Variants in SUCNR1 observed in about 807,000 individuals in gnomAD.
SUCNR1 encodes the protein G-protein coupled receptor 91.
Under a neutral mutation model 2.4 loss-of-function variants are expected in SUCNR1, and 5 were observed. The observed-to-expected ratio is 2.07, with a 90% CI of 1.08 to 4.36. The LOEUF (loss-of-function observed/expected upper bound fraction) is 4.36. Ranked by LOEUF, SUCNR1 falls within the 30% of genes most tolerant of loss-of-function variation. SUCNR1 has a pLI of 0.00. For synonymous variants in SUCNR1, 162 were observed against 143.9 expected (o/e 1.13, Z -0.90); for missense variants, 373 against 399.2 (o/e 0.93, Z 0.56).
chr3:151,874,148 T>TA (rs1559856011), intron 1 of SUCNR1, among the ~76,000 whole-genome samples: 319 of 33,712 alleles, frequency 9.5e-3, no homozygotes, highest in African/African-American at 0.037. Context: ...ATATATATAT[T>TA]TTTTTTTTTT....
rs747738623 is a variant in SUCNR1, at chr3:151,881,297, C to A, written c.754C>A (p.Arg252=). ...GCTTTTTACACCCTATCACGTCATG[C>A]GGAATGTGAGGATCGCTTCACGCCT... ...SVLFTPYHVM[R]NVRIASRLGS... is the part of the protein sequence containing the mutation. Residue 252 remains arginine, a synonymous_variant, in exon 3 of 3, where the codon CGG becomes AGG. Coordinates refer to ENST00000362032, the MANE Select transcript of SUCNR1 (RefSeq NM_033050.6). The A allele has an allele frequency of 1.9e-6, 3 of 1,614,060 alleles. No individual in the cohort carries two copies. Among genetic ancestry groups the A allele is most frequent in the South Asian group, 1.1e-5 (1 of 91,090 alleles).
chr3:151,879,905 A>G lies in SUCNR1; in HGVS notation c.13A>G (p.Met5Val). 1.9e-6 allele frequency: 3 copies of G among 1,583,664 alleles called. No homozygotes were observed. Among genetic ancestry groups the G allele is most frequent in the South Asian group, 1.2e-5 (1 of 85,704 alleles). Residue 5 changes from methionine (M) to valine (V), a missense_variant and splice_region_variant, in exon 2 of 3, where the codon ATG (methionine) becomes GTG (valine). Coordinates refer to ENST00000362032, the MANE Select transcript of SUCNR1 (RefSeq NM_033050.6). Reference protein sequence around the residue: MLGIMAWNATCKNWL... With the variant: MLGIVAWNATCKNWL... ...GAACAACTACGACATGCTGGGGATCATGGTATGTTTAGAGACACAAAAGTG... is the reference window on the plus strand; with the variant it reads ...GAACAACTACGACATGCTGGGGATCGTGGTATGTTTAGAGACACAAAAGTG...
chr3:151,879,739 T>G, intron 1 of SUCNR1, 113 bp from the exon 2 acceptor site: 3 of 478,948 alleles, frequency 6.3e-6, no homozygotes, highest in Admixed American at 6.4e-5. Context: ...ACTGAAGTTG[T>G]ATCATAGTTT....
Position 151,881,646 on chromosome 3 carries a change from C to T in SUCNR1, c.*98C>T, listed in dbSNP as rs990574931. On this transcript the variant is annotated 3_prime_UTR_variant, in exon 3 of 3. Transcript: ENST00000362032. ...CAATCAGAGAGTGTCACAGATTTAA[C>T]CTTGATCTAAAGACAAGTTGTACCC... is the stretch of plus-strand genomic sequence containing the variant. 1 of 1,142,854 alleles carries T rather than the reference C, an allele frequency of 8.8e-7. No homozygotes were observed. The highest frequency in any genetic ancestry group is 2.4e-5 in the Admixed American group (1 of 42,004). 70.8% of individuals were successfully genotyped at this position (1,142,854 alleles called of 1,614,324 possible). A position where few individuals can be genotyped will look rare whatever the true frequency, so the allele number is the denominator to read the frequency against.
rs1173671690 is a variant in SUCNR1 at position 151,881,336 on chromosome 3, C to G, written c.793C>G (p.Gln265Glu). 1 of 1,614,044 alleles carries G rather than the reference C, an allele frequency of 6.2e-7. No homozygotes were observed. Residue 265 changes from glutamine (Q) to glutamate (E), a missense_variant, in exon 3 of 3, where the codon CAG (glutamine) becomes GAG (glutamate). Physicochemically the swap from Gln to Glu is conservative, Grantham distance 29. Transcript: ENST00000362032. ...CGCTTCACGCCTGGGGAGTTGGAAG[C>G]AGTATCAGTGCACTCAGGTCGTCAT... Reference protein sequence around the residue: ...RIASRLGSWKQYQCTQVVINS... With the variant: ...RIASRLGSWKEYQCTQVVINS...
Position 151,880,809 on chromosome 3 carries a change from T to C in SUCNR1, c.266T>C (p.Ile89Thr). The change falls in exon 3 of 3, where the codon ATA (isoleucine) becomes ACA (threonine). Residue 89 changes from isoleucine (I) to threonine (T), a missense_variant. Transcript: ENST00000362032. ...AGGAGTTATGCCAATGGAAACTGGATATATGGAGACGTGCTCTGCATAAGC... is the reference window on the plus strand; with the variant it reads ...AGGAGTTATGCCAATGGAAACTGGACATATGGAGACGTGCTCTGCATAAGC... ...LIRSYANGNW[I>T]YGDVLCISNR... is the part of the protein sequence containing the mutation. 6.2e-7 allele frequency: 1 copy of C among 1,614,156 alleles called. No homozygotes were observed.
Position 151,881,229 on chromosome 3 carries a change from A to G in SUCNR1, c.686A>G (p.Lys229Arg). The G allele has an allele frequency of 6.2e-7, 1 of 1,614,152 alleles. No individual in the cohort carries two copies. Among genetic ancestry groups the G allele is most frequent in the South Asian group, 1.1e-5 (1 of 91,074 alleles). Residue 229 changes from lysine (K) to arginine (R), a missense_variant, in exon 3 of 3, where the codon AAG becomes AGG. Transcript: ENST00000362032. ...GTTGCTACTGCTCTGCCCCTTGAAAAGCCTCTCAACTTGGTCATCATGGCA... is the reference window on the plus strand; with the variant it reads ...GTTGCTACTGCTCTGCCCCTTGAAAGGCCTCTCAACTTGGTCATCATGGCA... Reference protein sequence around the residue: ...RQVATALPLEKPLNLVIMAVV... With the variant: ...RQVATALPLERPLNLVIMAVV...
chr3:151,878,074 A>C (rs1021660810), intron 1 of SUCNR1, among the ~76,000 whole-genome samples: 1 of 152,158 alleles, frequency 6.6e-6, no homozygotes, highest in Non-Finnish European at 1.5e-5. Context: ...ATAAAATAAG[A>C]TTAGTGAAAA....
chr3:151,876,021 C>T (rs555813937), intron 1 of SUCNR1, among the ~76,000 whole-genome samples: 1 of 152,232 alleles, frequency 6.6e-6, no homozygotes, highest in South Asian at 2.1e-4. Context: ...CCAGTGGTGA[C>T]TAGGCAGAAA....
Position 151,881,163 on chromosome 3 carries a change from A to C in SUCNR1, c.620A>C (p.Tyr207Ser). ...LIPLFVMCFF[Y>S]YKIALFLKQR... The stretch of plus-strand genomic sequence containing the variant: ...CCTCTTTTTGTGATGTGTTTCTTTT[A>C]TTACAAGATTGCTCTCTTCCTAAAG... Residue 207 changes from tyrosine to serine, a missense_variant, in exon 3 of 3, where the codon TAT (tyrosine) becomes TCT (serine). Physicochemically the swap from Tyr to Ser is moderately radical, Grantham distance 144. Transcript: ENST00000362032. 6.2e-7 allele frequency: 1 copy of C among 1,614,034 alleles called. No individual in the cohort carries two copies. The highest frequency in any genetic ancestry group is 1.3e-5 in the African/African-American group (1 of 74,984).
At chr3:151,875,432 T>C (rs1197001971) in intron 1 of SUCNR1, among the ~76,000 whole-genome samples, 1 of 152,152 alleles carries the variant, frequency 6.6e-6, no homozygotes, top group Non-Finnish European at 1.5e-5. Context: ...TTTTGTATCC[T>C]AGTGAAGTTA....
In SUCNR1 at chr3:151,879,811, AG is replaced by A. The variant is rs1054361302; in HGVS notation, c.-41-40del. ...ATGGAAACAAGTAAAAGCTTAAAAT[AG>A]TGAGACTGAAGTTCTAAAAATTCTT... On this transcript the variant is annotated intron_variant, in intron 1 of 2. Coordinates refer to ENST00000362032, the MANE Select transcript of SUCNR1 (RefSeq NM_033050.6). 10 of 928,976 alleles carry A rather than the reference AG, an allele frequency of 1.1e-5. No homozygotes were observed. In the African/African-American group the frequency reaches 1.7e-4, roughly 16 times the overall value. 57.5% of individuals were successfully genotyped at this position (928,976 alleles called of 1,614,324 possible).
rs908734090 is a variant in SUCNR1 at position 151,884,124 on chromosome 3, C to T, written c.*2576C>T. 1 of 152,138 alleles carries T rather than the reference C, an allele frequency of 6.6e-6. No individual in the cohort carries two copies. Among genetic ancestry groups the T allele is most frequent in the Non-Finnish European group, 1.5e-5 (1 of 68,008 alleles). The allele number at this position is 152,138 out of a possible 1,614,324, so 9.4% of individuals were successfully genotyped here. ...TATTTTTATTATAGTTTATTATTGT[C>T]TTCATAGCTGAGTACTCTTAAAATT... is the stretch of plus-strand genomic sequence containing the variant. On this transcript the variant is annotated 3_prime_UTR_variant, in exon 3 of 3. Coordinates refer to ENST00000362032, the MANE Select transcript of SUCNR1 (RefSeq NM_033050.6).
chr3:151,874,320 G>A (rs1400240215), intron 1 of SUCNR1, among the ~76,000 whole-genome samples: 4 of 150,448 alleles, frequency 2.7e-5, no homozygotes, highest in Non-Finnish European at 5.9e-5. Context: ...GATTACAAGC[G>A]CCCACCACCA....
At chr3:151,880,280 G>C (rs1718047825) in intron 2 of SUCNR1, among the ~76,000 whole-genome samples, 1 of 152,156 alleles carries the variant, frequency 6.6e-6, no homozygotes, top group African/African-American at 2.4e-5. Flanking sequence ...TTCTTCCCAA[G>C]AGAGTATAAA....
chr3:151,881,367 CCTTTTACAT>C lies in SUCNR1; in HGVS notation c.825_833del (p.Phe276_Ile278del). On this transcript the variant is annotated inframe_deletion, in exon 3 of 3. Transcript: ENST00000362032. ...CAGTGCACTCAGGTCGTCATCAACT[CCTTTTACAT>C]TGTGACACGGCCTTTGGCCTTTCTG... 1 of 1,614,178 alleles carries C rather than the reference CCTTTTACAT, an allele frequency of 6.2e-7. No individual in the cohort carries two copies. Among genetic ancestry groups the C allele is most frequent in the Non-Finnish European group, 8.5e-7 (1 of 1,180,024 alleles).
rs770666888 is a variant in SUCNR1 at position 151,881,250 on chromosome 3, T to G, written c.707T>G (p.Met236Arg). Reference protein sequence around the residue: ...PLEKPLNLVIMAVVIFSVLFT... With the variant: ...PLEKPLNLVIRAVVIFSVLFT... ...GAAAAGCCTCTCAACTTGGTCATCA[T>G]GGCAGTGGTAATCTTCTCTGTGCTT... The change falls in exon 3 of 3, where the codon ATG (methionine) becomes AGG (arginine). Residue 236 changes from methionine (M) to arginine (R), a missense_variant. Physicochemically the swap from Met to Arg is moderately conservative, Grantham distance 91. Coordinates refer to ENST00000362032, the MANE Select transcript of SUCNR1 (RefSeq NM_033050.6). The G allele has an allele frequency of 1.9e-6, 3 of 1,614,124 alleles. No homozygotes were observed. In the East Asian group the frequency reaches 6.7e-5, roughly 36 times the overall value.
At position 151,881,166 on chromosome 3, in the gene SUCNR1, A is replaced by G; in HGVS notation, c.623A>G (p.Tyr208Cys). ...IPLFVMCFFY[Y>C]KIALFLKQRN... The stretch of plus-strand genomic sequence containing the variant: ...CTTTTTGTGATGTGTTTCTTTTATT[A>G]CAAGATTGCTCTCTTCCTAAAGCAG... Residue 208 changes from tyrosine to cysteine, a missense_variant, in exon 3 of 3, where the codon TAC (tyrosine) becomes TGC (cysteine). Tyr to Cys is a radical substitution (Grantham distance 194). Around this residue, in one of 3 missense-constraint regions of SUCNR1, gnomAD observed 157 missense variants for 178.7 expected, o/e 0.88. Transcript: ENST00000362032. 1.2e-6 allele frequency: 2 copies of G among 1,614,076 alleles called. No individual in the cohort carries two copies. Among genetic ancestry groups the G allele is most frequent in the Non-Finnish European group, 1.7e-6 (2 of 1,180,008 alleles).
At position 151,880,586 on chromosome 3, in the gene SUCNR1, C is replaced by T. The variant is rs1462235229; in HGVS notation, c.43C>T (p.Leu15=). The change falls in exon 3 of 3, where the codon CTG becomes TTG. Residue 15 remains leucine, a synonymous_variant. Transcript: ENST00000362032. The part of the protein sequence containing the change: ...MAWNATCKNW[L]AAEAALEKYY... ...ATGGAATGCAACTTGCAAAAACTGGCTGGCAGCAGAGGCTGCCCTGGAAAA... is the reference window on the plus strand; with the variant it reads ...ATGGAATGCAACTTGCAAAAACTGGTTGGCAGCAGAGGCTGCCCTGGAAAA... 6.8e-6 allele frequency: 11 copies of T among 1,607,910 alleles called. No homozygotes were observed. The East Asian group carries it at 1.3e-4, about 20-fold the overall frequency.
Sources: allele counts gnomAD v4.1 joint callset (sites outside exome capture counted in the v4.1 genomes callset), GRCh38; gene constraint gnomAD v4.1.1; regional missense constraint gnomAD v4.1.1; transcripts MANE v1.5; gene names NCBI Gene and HGNC (gene_info 2026-07-23, HGNC 2026-07-21).